MKLN1: variants seen among roughly 807,000 people sequenced by gnomAD.
MKLN1 encodes muskelin.
Under a neutral mutation model 99.0 loss-of-function variants are expected in MKLN1, and 18 were observed. The observed-to-expected ratio is 0.18, with a 90% CI of 0.13 to 0.27. MKLN1 has a LOEUF of 0.27. Ranked by LOEUF, MKLN1 falls within the 10% of genes least tolerant of loss-of-function variation. The pLI, the probability that MKLN1 is intolerant of heterozygous loss-of-function variation, is 1.00. For missense variants in MKLN1, 621 were observed against 875.9 expected, an observed-to-expected ratio of 0.71 and a Z score of 3.67; for synonymous variants, 288 against 293.2, an observed-to-expected ratio of 0.98 and a Z score of 0.18.
chr7:131,241,898 T>C (rs750796891), intron 3 of MKLN1, among the ~76,000 whole-genome samples: 12 of 152,224 alleles, frequency 7.9e-5, no homozygotes, highest in Non-Finnish European at 1.6e-4. Context: ...TGAACCTTTT[T>C]GTCTTTCCGA....
chr7:131,222,602 G>A (rs182583016), intron 3 of MKLN1, among the ~76,000 whole-genome samples: 53 of 152,266 alleles, frequency 3.5e-4, no homozygotes, highest in Non-Finnish European at 6.3e-4. Context: ...GCCTCCTGGT[G>A]TATCCACTGG....
chr7:131,214,854 T>C (rs1796956806), intron 3 of MKLN1, among the ~76,000 whole-genome samples: 1 of 152,246 alleles, frequency 6.6e-6, no homozygotes, highest in Non-Finnish European at 1.5e-5. Flanking sequence ...GAATATGGTA[T>C]ATGTTTCCAT....
chr7:131,349,734 T>C (rs559022794), intron 1 of MKLN1, among the ~76,000 whole-genome samples: 1 of 152,350 alleles, frequency 6.6e-6, no homozygotes, highest in African/African-American at 2.4e-5. Context: ...TATATGAGTG[T>C]CTCAGCAGAT....
At chr7:131,187,712 TGAGTCCAGGATTTC>T in intron 2 of MKLN1, among the ~76,000 whole-genome samples, 1 of 152,248 alleles carries the variant, frequency 6.6e-6, no homozygotes, top group East Asian at 1.9e-4. Context: ...AAGGATCACT[TGAGTCCAGGATTTC>T]GAGACCAGAG....
intron 8 of MKLN1, among the ~76,000 whole-genome samples, chr7:131,418,052 G>A (rs1015858826): frequency 3.3e-5 from 5 of 152,190 alleles, no homozygotes; most frequent in African/African-American, 9.6e-5. Flanking sequence ...AAATTGTCTC[G>A]TTAGCACCAG....
intron 12 of MKLN1, 23 bp from the exon 13 acceptor site, chr7:131,463,194 T>G (rs371874151): frequency 2.6e-6 from 4 of 1,566,494 alleles, no homozygotes; most frequent in Non-Finnish European, 3.5e-6. Flanking sequence ...TATTTTCATC[T>G]TATTTTTTTC....
intron 1 of MKLN1, among the ~76,000 whole-genome samples, chr7:131,116,968 T>C (rs184259201): frequency 3.9e-5 from 6 of 152,248 alleles, no homozygotes; most frequent in Admixed American, 2.6e-4. Flanking sequence ...AATTTTTAAA[T>C]GTACAAAGCC....
chr7:131,112,610 C>T (rs927943147), intron 1 of MKLN1, among the ~76,000 whole-genome samples: 2 of 152,106 alleles, frequency 1.3e-5, no homozygotes, highest in African/African-American at 4.8e-5. Flanking sequence ...ACTGTGTTAC[C>T]CAGGCTGGCC....
At chr7:131,398,771 A>G (rs1794437585) in intron 5 of MKLN1, among the ~76,000 whole-genome samples, 1 of 152,164 alleles carries the variant, frequency 6.6e-6, no homozygotes, top group Non-Finnish European at 1.5e-5. Flanking sequence ...TAAATTTGAA[A>G]TATCTGTATA....
At chr7:131,324,875 G>T (rs765414077), upstream of MKLN1, among the ~76,000 whole-genome samples, 3 of 152,044 alleles carry the variant, frequency 2.0e-5, no homozygotes, top group East Asian at 1.9e-4. Context: ...ACAAATTTTC[G>T]TCTTGGTATC....
At chr7:131,323,475 A>G (rs930296122), upstream of MKLN1, 3 of 152,152 alleles carry the variant, frequency 2.0e-5, no homozygotes, top group Non-Finnish European at 4.4e-5. Flanking sequence ...GCTCTTTCCA[A>G]TGGTGTGCAC....
intron 3 of MKLN1, among the ~76,000 whole-genome samples, chr7:131,275,365 G>GTTTTTTTTT (rs909251138): frequency 9.5e-6 from 1 of 105,204 alleles, no homozygotes; most frequent in African/African-American, 3.8e-5. Context: ...GTTGTTGTTG[G>GTTTTTTTTT]TTTTTTTTTT....
At chr7:131,135,657 G>T (rs559872488) in intron 1 of MKLN1, among the ~76,000 whole-genome samples, 1 of 152,280 alleles carries the variant, frequency 6.6e-6, no homozygotes, top group African/African-American at 2.4e-5. Flanking sequence ...GGTGAACATT[G>T]TGCCAAGAGT....
intron 2 of MKLN1, among the ~76,000 whole-genome samples, chr7:131,184,767 T>A (rs1796425344): frequency 6.6e-6 from 1 of 152,134 alleles, no homozygotes; most frequent in Non-Finnish European, 1.5e-5. Flanking sequence ...CCTCAGGTGA[T>A]CTGCCCGCCT....
intron 8 of MKLN1, among the ~76,000 whole-genome samples, chr7:131,427,835 T>C (rs1474728041): frequency 7.4e-6 from 1 of 135,874 alleles, no homozygotes; most frequent in Non-Finnish European, 1.6e-5. Context: ...ATTACAGGCA[T>C]GAGCCACTGT....
intron 14 of MKLN1, among the ~76,000 whole-genome samples, chr7:131,464,794 G>A (rs1043554317): frequency 1.3e-5 from 2 of 152,154 alleles, no homozygotes; most frequent in African/African-American, 2.4e-5. Flanking sequence ...CCTATTGTGT[G>A]CGAAGTCTTT....
At chr7:131,263,368 T>TAATAATAGTAATAAA (rs373239401) in intron 3 of MKLN1, among the ~76,000 whole-genome samples, 1 of 140,350 alleles carries the variant, frequency 7.1e-6, no homozygotes, top group African/African-American at 2.6e-5. Context: ...ATAATAATAA[T>TAATAATAGTAATAAA]AATAAAATTA....
At chr7:131,122,210 G>A (rs1795383592) in intron 1 of MKLN1, among the ~76,000 whole-genome samples, 1 of 152,194 alleles carries the variant, frequency 6.6e-6, no homozygotes, top group Non-Finnish European at 1.5e-5. Flanking sequence ...AAGAAAGGCA[G>A]ACATGCAGAA....
At chr7:131,374,110 C>A (rs1793559272) in intron 1 of MKLN1, among the ~76,000 whole-genome samples, 1 of 152,146 alleles carries the variant, frequency 6.6e-6, no homozygotes, top group Non-Finnish European at 1.5e-5. Context: ...ATGATCCATA[C>A]TGCTCCCTTC....
Sources: gnomAD v4.1 joint callset for allele counts (sites outside exome capture counted in the v4.1 genomes callset) on GRCh38, gnomAD v4.1.1 for gene constraint, MANE v1.5 for transcripts, NCBI Gene and HGNC (gene_info 2026-07-23, HGNC 2026-07-21) for gene names.